Variants in EBF4 observed in about 807,000 individuals in gnomAD.
EBF4 encodes transcription factor COE4.
In EBF4, 34 loss-of-function variants were observed where a neutral mutation model predicts 67.1. That is an observed-to-expected ratio of 0.51 (90% confidence interval 0.39 to 0.67). The LOEUF (loss-of-function observed/expected upper bound fraction) is 0.67. EBF4 is among the 30% of genes least tolerant of loss of function. The pLI is 0.00. For missense variants in EBF4, 837 were observed against 873.3 expected (o/e 0.96, Z 0.52); for synonymous variants, 387 against 377.7 (o/e 1.02, Z -0.29).
chr20:2,730,138 T>C (rs2087794478), intron 6 of EBF4, among the ~76,000 whole-genome samples: 1 of 152,344 alleles, frequency 6.6e-6, no homozygotes, highest in Middle Eastern at 3.4e-3. Context: ...ATTAGTTTCC[T>C]AAGGCTGTCC....
intron 1 of EBF4, among the ~76,000 whole-genome samples, chr20:2,699,205 T>C (rs1227638374): frequency 1.3e-5 from 2 of 152,128 alleles, no homozygotes; most frequent in Non-Finnish European, 2.9e-5. Context: ...GCTGCTGGCA[T>C]CTCCCCACAG....
intron 1 of EBF4, among the ~76,000 whole-genome samples, chr20:2,697,483 T>G (rs1300756809): frequency 2.0e-5 from 3 of 150,560 alleles, no homozygotes; most frequent in Non-Finnish European, 4.4e-5. Flanking sequence ...AGGCGGAGCT[T>G]GCAGTGAGCC....
At chr20:2,740,047 C>T (rs1023020169) in intron 6 of EBF4, among the ~76,000 whole-genome samples, 2 of 152,214 alleles carry the variant, frequency 1.3e-5, no homozygotes, top group Non-Finnish European at 2.9e-5. Flanking sequence ...GCGCAGTGGC[C>T]CACGCCTGTA....
intron 1 of EBF4, among the ~76,000 whole-genome samples, chr20:2,701,563 A>G (rs915441051): frequency 6.6e-6 from 1 of 152,246 alleles, no homozygotes; most frequent in Non-Finnish European, 1.5e-5. Flanking sequence ...TCAGGCCAGC[A>G]TCTGTGATTT....
chr20:2,701,021 C>T (rs926842527), intron 1 of EBF4, among the ~76,000 whole-genome samples: 6 of 152,204 alleles, frequency 3.9e-5, no homozygotes, highest in East Asian at 3.9e-4. Flanking sequence ...GCCCCATGTG[C>T]GCTGCAGGGC....
intron 6 of EBF4, among the ~76,000 whole-genome samples, chr20:2,713,928 C>T (rs1336187863): frequency 1.3e-5 from 2 of 152,102 alleles, no homozygotes; most frequent in East Asian, 1.9e-4. Flanking sequence ...AAGATGCTCA[C>T]GGAATGGAGA....
intron 6 of EBF4, among the ~76,000 whole-genome samples, chr20:2,710,330 T>G (rs1356436584): frequency 1.3e-5 from 2 of 152,070 alleles, no homozygotes; most frequent in Non-Finnish European, 2.9e-5. Flanking sequence ...TTGTATTTTT[T>G]GTAGAGACCG....
chr20:2,733,093 T>C (rs2087835811), intron 6 of EBF4, among the ~76,000 whole-genome samples: 1 of 152,242 alleles, frequency 6.6e-6, no homozygotes, highest in African/African-American at 2.4e-5. Flanking sequence ...ATGAATCCTC[T>C]CAGTTTTTGT....
intron 6 of EBF4, among the ~76,000 whole-genome samples, chr20:2,741,707 G>C (rs1600234301): frequency 6.6e-6 from 1 of 152,196 alleles, no homozygotes; most frequent in Non-Finnish European, 1.5e-5. Flanking sequence ...TAAGTCACAG[G>C]CATCAGAGTC....
At chr20:2,754,432 T>C (rs1306989779) in intron 14 of EBF4, among the ~76,000 whole-genome samples, 1 of 152,168 alleles carries the variant, frequency 6.6e-6, no homozygotes, top group Non-Finnish European at 1.5e-5. Flanking sequence ...CCCTGGGCAT[T>C]GAGAGCTATA....
intron 6 of EBF4, among the ~76,000 whole-genome samples, chr20:2,711,301 C>T (rs1426170941): frequency 1.3e-5 from 2 of 151,962 alleles, no homozygotes; most frequent in Non-Finnish European, 2.9e-5. Flanking sequence ...TTCTTTTTTG[C>T]CACTGCAAAA....
intron 1 of EBF4, among the ~76,000 whole-genome samples, chr20:2,703,992 A>G (rs993379583): frequency 1.1e-4 from 17 of 152,146 alleles, no homozygotes; most frequent in African/African-American, 3.9e-4. Context: ...ACCTCTCCAT[A>G]GGGCTACTTG....
chr20:2,694,423 C>T (rs1225425951), intron 1 of EBF4, among the ~76,000 whole-genome samples: 1 of 152,168 alleles, frequency 6.6e-6, no homozygotes, highest in East Asian at 1.9e-4. Context: ...AACCCAGCAC[C>T]CGCGCCGGTC....
Position 2,705,672 on chromosome 20 carries a change from G to A in EBF4, c.233G>A (p.Arg78Gln), listed in dbSNP as rs766860031. The change falls in exon 2 of 17, where the codon CGG (arginine) becomes CAG (glutamine). Residue 78 changes from arginine to glutamine, a missense_variant. Arg to Gln is a conservative substitution (Grantham distance 43). Transcript: ENST00000609451. ...CACTTCGTGCTGGCCATGTACGACC[G>A]GCAGGGGCAGCCCGTGGAGGTGGAG... is the stretch of plus-strand genomic sequence containing the variant. 1.8e-5 allele frequency: 28 copies of A among 1,551,848 alleles called. No homozygotes were observed. The highest frequency in any genetic ancestry group is 1.2e-4 in the East Asian group (5 of 40,972).
chr20:2,758,962 G>A, exon 16 of EBF4: 1 of 1,551,780 alleles, frequency 6.4e-7, no homozygotes. Flanking sequence ...GGGGCTTCAG[G>A]GCCTGGCATA....
At chr20:2,750,086 C>T in intron 10 of EBF4, 113 bp downstream of exon 10, 1 of 1,421,092 alleles carries the variant, frequency 7.0e-7, no homozygotes, top group Non-Finnish European at 9.2e-7. Flanking sequence ...GCTGTGGCCA[C>T]GACCCCTAGA....
At chr20:2,705,619 C>G (rs1439836234) in exon 2 of EBF4, 2 of 1,553,378 alleles carry the variant, frequency 1.3e-6, no homozygotes, top group Non-Finnish European at 8.7e-7. Context: ...AGCAGCCTCC[C>G]TCCAACCTCA....
chr20:2,732,234 C>T (rs888942948), intron 6 of EBF4, among the ~76,000 whole-genome samples: 5 of 152,122 alleles, frequency 3.3e-5, no homozygotes, highest in African/African-American at 1.2e-4. Flanking sequence ...GATTCTGCCA[C>T]CTCAGCCCCC....
chr20:2,704,446 A>G (rs1299663929), intron 1 of EBF4, among the ~76,000 whole-genome samples: 2 of 152,180 alleles, frequency 1.3e-5, no homozygotes, highest in Admixed American at 6.5e-5. Flanking sequence ...GTGTCCTTCC[A>G]TGATCTGGCA....
Sources: gnomAD v4.1 joint callset for allele counts (sites outside exome capture counted in the v4.1 genomes callset) on GRCh38, gnomAD v4.1.1 for gene constraint, MANE v1.5 for transcripts, NCBI Gene and HGNC (gene_info 2026-07-23, HGNC 2026-07-21) for gene names.